Variants in RBFOX1 observed in about 807,000 individuals in gnomAD.
The protein encoded by RBFOX1 is RNA binding fox-1 homolog 1.
Under a neutral mutation model 57.7 loss-of-function variants are expected in RBFOX1, and 8 were observed. That is an observed-to-expected ratio of 0.14 (90% confidence interval 0.08 to 0.25). RBFOX1 has a LOEUF of 0.25. Ranked by LOEUF, RBFOX1 falls within the 10% of genes least tolerant of loss-of-function variation. The pLI, the probability that RBFOX1 is intolerant of heterozygous loss-of-function variation, is 1.00. For synonymous variants in RBFOX1, 326 were observed against 222.4 expected (o/e 1.47, Z -4.15); for missense variants, 611 against 548.5 (o/e 1.11, Z -1.14).
intron 1 of RBFOX1, among the ~76,000 whole-genome samples, chr16:5,422,543 G>C (rs2067370913): frequency 1.3e-5 from 1 of 79,386 alleles, no homozygotes; most frequent in Non-Finnish European, 2.5e-5. Context: ...GCATGAGGGG[G>C]GCAGGGAGGG....
intron 4 of RBFOX1, among the ~76,000 whole-genome samples, chr16:7,112,474 T>A (rs909822640): frequency 8.6e-5 from 13 of 151,998 alleles, no homozygotes; most frequent in Admixed American, 4.6e-4. Context: ...CCCAAAGATT[T>A]GGGATTACAG....
At chr16:6,483,976 T>C in intron 2 of RBFOX1, 1 of 1,015,252 alleles carries the variant, frequency 9.8e-7, no homozygotes, top group Non-Finnish European at 1.2e-6. Context: ...TCGCCCTGGG[T>C]GCCCCGTGGT....
chr16:5,361,462 G>A (rs1040133904), intron 1 of RBFOX1, among the ~76,000 whole-genome samples: 1 of 152,134 alleles, frequency 6.6e-6, no homozygotes, highest in Non-Finnish European at 1.5e-5. Context: ...AACTCTCAGT[G>A]ACTGTAAAGA....
intron 3 of RBFOX1, among the ~76,000 whole-genome samples, chr16:5,755,614 T>G (rs939951059): frequency 6.6e-6 from 1 of 152,206 alleles, no homozygotes; most frequent in Non-Finnish European, 1.5e-5. Context: ...TTATTTTTTC[T>G]TGAGACAGTG....
intron 3 of RBFOX1, among the ~76,000 whole-genome samples, chr16:6,867,972 T>G (rs2060226880): frequency 6.6e-6 from 1 of 152,172 alleles, no homozygotes; most frequent in Admixed American, 6.5e-5. Context: ...CAGTTGAATT[T>G]TGATTTCTGT....
intron 3 of RBFOX1, among the ~76,000 whole-genome samples, chr16:6,897,836 C>A (rs758913381): frequency 6.6e-5 from 10 of 152,218 alleles, no homozygotes; most frequent in African/African-American, 1.7e-4. Flanking sequence ...GATTACAGAG[C>A]CCTGCAGTTT....
At chr16:6,377,713 C>G (rs74007318) in intron 2 of RBFOX1, among the ~76,000 whole-genome samples, 130 of 152,306 alleles carry the variant, frequency 8.5e-4, no homozygotes, top group African/African-American at 3.0e-3. Flanking sequence ...TATTTAAATG[C>G]AAATTTTGAC....
intron 1 of RBFOX1, among the ~76,000 whole-genome samples, chr16:5,460,129 T>C (rs1477655859): frequency 1.3e-5 from 2 of 152,140 alleles, no homozygotes; most frequent in Non-Finnish European, 2.9e-5. Context: ...GTCGGCATGT[T>C]TTTAGTGTAA....
intron 1 of RBFOX1, among the ~76,000 whole-genome samples, chr16:5,394,046 C>A (rs997678179): frequency 6.6e-6 from 1 of 152,036 alleles, no homozygotes; most frequent in Non-Finnish European, 1.5e-5. Flanking sequence ...TTTTCCGAGA[C>A]AGTGTCTTAC....
At chr16:6,754,358 C>A (rs1360208311) in intron 3 of RBFOX1, among the ~76,000 whole-genome samples, 6 of 152,126 alleles carry the variant, frequency 3.9e-5, no homozygotes, top group Non-Finnish European at 7.3e-5. Flanking sequence ...AAAAATTTCA[C>A]CTAAATTGGA....
At chr16:5,956,678 A>ATATTTTTTTT (rs368096576) in intron 4 of RBFOX1, among the ~76,000 whole-genome samples, 19 of 116,474 alleles carry the variant, frequency 1.6e-4, no homozygotes, top group African/African-American at 3.1e-4. Flanking sequence ...ATATATATAT[A>ATATTTTTTTT]TTTTTTTTGA....
intron 4 of RBFOX1, among the ~76,000 whole-genome samples, chr16:5,958,502 A>G (rs2059690014): frequency 6.6e-6 from 1 of 152,148 alleles, no homozygotes; most frequent in Non-Finnish European, 1.5e-5. Context: ...CGTGATATTA[A>G]ATTGCTTAGC....
intron 4 of RBFOX1, among the ~76,000 whole-genome samples, chr16:7,387,926 C>T (rs866631327): frequency 9.9e-5 from 15 of 152,218 alleles, no homozygotes; most frequent in Admixed American, 7.2e-4. Flanking sequence ...CTTTATTTTA[C>T]GCCATTGTTG....
At chr16:7,090,373 G>GT (rs1403610179) in intron 4 of RBFOX1, among the ~76,000 whole-genome samples, 1 of 152,088 alleles carries the variant, frequency 6.6e-6, no homozygotes, top group Non-Finnish European at 1.5e-5. Context: ...CTGGGGGGAG[G>GT]TGTGGGGTAG....
At chr16:6,042,886 A>G (rs2095453347) in intron 1 of RBFOX1, among the ~76,000 whole-genome samples, 2 of 152,166 alleles carry the variant, frequency 1.3e-5, no homozygotes, top group Non-Finnish European at 2.9e-5. Flanking sequence ...TGATTGAAAG[A>G]GTTAAGCTTT....
At chr16:6,119,562 G>C (rs893167867) in intron 1 of RBFOX1, among the ~76,000 whole-genome samples, 18 of 152,110 alleles carry the variant, frequency 1.2e-4, no homozygotes, top group Non-Finnish European at 2.6e-4. Flanking sequence ...GTATTCATTG[G>C]AACACTTGTG....
chr16:6,063,503 ACACC>A (rs770323598), intron 1 of RBFOX1, among the ~76,000 whole-genome samples: 5,667 of 37,198 alleles, frequency 0.15, 221 homozygotes, highest in African/African-American at 0.25. Context: ...ACACACACAC[ACACC>A]CCCTTATATT....
chr16:6,119,378 C>T (rs569308526), intron 1 of RBFOX1, among the ~76,000 whole-genome samples: 54 of 152,254 alleles, frequency 3.5e-4, no homozygotes, highest in African/African-American at 1.1e-3. Flanking sequence ...GGAGGGTCAA[C>T]GATGTCTTTA....
intron 4 of RBFOX1, among the ~76,000 whole-genome samples, chr16:7,500,320 G>C (rs2070310591): frequency 6.6e-6 from 1 of 152,154 alleles, no homozygotes; most frequent in South Asian, 2.1e-4. Context: ...AAAGTAGTAG[G>C]AACTTCAATA....
Sources: allele counts gnomAD v4.1 joint callset (sites outside exome capture counted in the v4.1 genomes callset), GRCh38; gene constraint gnomAD v4.1.1; transcripts MANE v1.5; gene names NCBI Gene and HGNC (gene_info 2026-07-23, HGNC 2026-07-21).